SHISA6: variants seen among roughly 807,000 people sequenced by gnomAD.
The protein encoded by SHISA6 is protein shisa-6.
In SHISA6, 22 loss-of-function variants were observed where a neutral mutation model predicts 47.9. That is an observed-to-expected ratio of 0.46 (90% confidence interval 0.33 to 0.66). The LOEUF (loss-of-function observed/expected upper bound fraction) is 0.66. Ranked by LOEUF, SHISA6 falls within the 30% of genes least tolerant of loss-of-function variation. The pLI, the probability that SHISA6 is intolerant of heterozygous loss-of-function variation, is 0.02. For missense variants in SHISA6, 680 were observed against 764.6 expected, an observed-to-expected ratio of 0.89 and a Z score of 1.30; for synonymous variants, 388 against 337.8, an observed-to-expected ratio of 1.15 and a Z score of -1.63.
At chr17:11,475,846 T>C (rs979430922) in intron 3 of SHISA6, among the ~76,000 whole-genome samples, 5 of 151,998 alleles carry the variant, frequency 3.3e-5, no homozygotes, top group African/African-American at 1.2e-4. Flanking sequence ...CTGAGACAGA[T>C]TGTAGGGAAT....
chr17:11,478,660 C>T (rs1916133839), intron 3 of SHISA6, among the ~76,000 whole-genome samples: 1 of 75,736 alleles, frequency 1.3e-5, no homozygotes. Context: ...TTTCCCAGCA[C>T]CATTTATTAA....
At chr17:11,381,591 G>C (rs1000874569) in intron 3 of SHISA6, among the ~76,000 whole-genome samples, 1 of 152,182 alleles carries the variant, frequency 6.6e-6, no homozygotes, top group Non-Finnish European at 1.5e-5. Context: ...GAGGACCAGA[G>C]TGGAAAGAGA....
At chr17:11,349,558 C>T (rs1223267624) in intron 2 of SHISA6, among the ~76,000 whole-genome samples, 1 of 152,152 alleles carries the variant, frequency 6.6e-6, no homozygotes, top group Admixed American at 6.5e-5. Context: ...CTGTAAATGC[C>T]AGGACTGTGC....
intron 3 of SHISA6, among the ~76,000 whole-genome samples, chr17:11,530,953 A>G (rs1438932033): frequency 6.6e-6 from 1 of 152,112 alleles, no homozygotes; most frequent in African/African-American, 2.4e-5. Context: ...CATAGGCAGT[A>G]TCAGCTGATG....
intron 2 of SHISA6, among the ~76,000 whole-genome samples, chr17:11,370,177 C>T (rs1260476009): frequency 6.6e-6 from 1 of 152,186 alleles, no homozygotes; most frequent in African/African-American, 2.4e-5. Context: ...ATCAAGCACT[C>T]CTCTCCCTCA....
chr17:11,276,709 C>T (rs1204298645), intron 2 of SHISA6, among the ~76,000 whole-genome samples: 1 of 152,036 alleles, frequency 6.6e-6, no homozygotes, highest in Non-Finnish European at 1.5e-5. Flanking sequence ...CCATCACCAC[C>T]ATTATCATCA....
intron 3 of SHISA6, among the ~76,000 whole-genome samples, chr17:11,430,193 T>C (rs1035804085): frequency 6.6e-6 from 1 of 152,192 alleles, no homozygotes; most frequent in South Asian, 2.1e-4. Flanking sequence ...TCGATTTTAG[T>C]CATTAGGGCC....
intron 3 of SHISA6, among the ~76,000 whole-genome samples, chr17:11,396,072 C>T (rs1278926479): frequency 1.3e-5 from 2 of 152,146 alleles, no homozygotes; most frequent in Non-Finnish European, 2.9e-5. Flanking sequence ...TTCCTATTGT[C>T]TTGAGTTTTT....
At chr17:11,519,402 T>C (rs1019902882) in intron 3 of SHISA6, among the ~76,000 whole-genome samples, 1 of 152,114 alleles carries the variant, frequency 6.6e-6, no homozygotes, top group African/African-American at 2.4e-5. Flanking sequence ...GAACAAAAAT[T>C]CAACAGTTTC....
chr17:11,530,041 A>T (rs1044679429), intron 3 of SHISA6, among the ~76,000 whole-genome samples: 1 of 152,148 alleles, frequency 6.6e-6, no homozygotes, highest in Non-Finnish European at 1.5e-5. Context: ...AGTGCTGCTC[A>T]GGGTGAGGGG....
At chr17:11,254,333 G>A (rs78761751) in intron 1 of SHISA6, among the ~76,000 whole-genome samples, 13,053 of 152,162 alleles carry the variant, frequency 0.086, 584 homozygotes, top group East Asian at 0.18. Context: ...GGCCCATTCT[G>A]CCCTCAGCAC....
At chr17:11,394,210 A>T (rs550441868) in intron 3 of SHISA6, among the ~76,000 whole-genome samples, 3 of 152,000 alleles carry the variant, frequency 2.0e-5, no homozygotes, top group South Asian at 4.2e-4. Context: ...GAATGAGTGG[A>T]TGGATGGATG....
At chr17:11,515,443 G>A (rs1464624338) in intron 3 of SHISA6, among the ~76,000 whole-genome samples, 10 of 151,826 alleles carry the variant, frequency 6.6e-5, no homozygotes, top group Non-Finnish European at 1.0e-4. Flanking sequence ...GTCTCGGGTC[G>A]GGTTTCTTAG....
At chr17:11,317,048 T>C (rs1442091906) in intron 2 of SHISA6, among the ~76,000 whole-genome samples, 2 of 152,174 alleles carry the variant, frequency 1.3e-5, no homozygotes, top group African/African-American at 2.4e-5. Flanking sequence ...TTGATATTTT[T>C]TTCTGGCTTA....
At chr17:11,249,533 T>C (rs905478528) in intron 1 of SHISA6, among the ~76,000 whole-genome samples, 11 of 151,940 alleles carry the variant, frequency 7.2e-5, no homozygotes, top group African/African-American at 2.7e-4. Context: ...AGTTTGGGGG[T>C]TTTCCCTGTA....
intron 3 of SHISA6, among the ~76,000 whole-genome samples, chr17:11,448,081 T>C (rs1477851819): frequency 1.3e-5 from 2 of 152,102 alleles, no homozygotes; most frequent in African/African-American, 4.8e-5. Flanking sequence ...ATAACTGCCT[T>C]GTTATAATCT....
intron 2 of SHISA6, among the ~76,000 whole-genome samples, chr17:11,360,700 T>C (rs933483087): frequency 9.2e-5 from 14 of 151,480 alleles, no homozygotes; most frequent in African/African-American, 2.9e-4. Flanking sequence ...AAAACCTAGA[T>C]GACAGGTTGA....
chr17:11,376,910 A>G (rs1255943539), intron 2 of SHISA6, among the ~76,000 whole-genome samples: 3 of 152,238 alleles, frequency 2.0e-5, no homozygotes, highest in African/African-American at 7.2e-5. Flanking sequence ...TGTGCCATCC[A>G]AGAGAGTGTG....
chr17:11,315,258 T>C (rs1272115157), intron 2 of SHISA6, among the ~76,000 whole-genome samples: 1 of 152,198 alleles, frequency 6.6e-6, no homozygotes. Flanking sequence ...TTTGCCAGTA[T>C]GTGGGGAAAG....
Sources: allele counts gnomAD v4.1 joint callset (sites outside exome capture counted in the v4.1 genomes callset), GRCh38; gene constraint gnomAD v4.1.1; transcripts MANE v1.5; gene names NCBI Gene and HGNC (gene_info 2026-07-23, HGNC 2026-07-21).